NCK2: variants seen among roughly 807,000 people sequenced by gnomAD.
NCK2 encodes cytoplasmic protein NCK2.
Under a neutral mutation model 33.9 loss-of-function variants are expected in NCK2, and 16 were observed. The observed-to-expected ratio is 0.47, with a 90% CI of 0.32 to 0.72. The LOEUF (loss-of-function observed/expected upper bound fraction) is 0.72. Ranked by LOEUF, NCK2 falls within the 30% of genes least tolerant of loss-of-function variation. The probability of loss-of-function intolerance (pLI) is 0.03; values close to 1 mark genes in which losing one functional copy is unlikely to be tolerated. For synonymous variants in NCK2, 273 were observed against 239.9 expected (o/e 1.14, Z -1.27); for missense variants, 418 against 537.3 (o/e 0.78, Z 2.19).
At position 105,870,553 on chromosome 2, in the gene NCK2, C is replaced by T. The variant is rs1475829069; in HGVS notation, c.227-10775C>T. 4.6e-5 allele frequency among the ~76,000 whole-genome samples: 7 copies of T among 152,160 alleles called. No individual in the cohort carries two copies. In the East Asian group the frequency reaches 1.2e-3, roughly 25 times the overall value. Reference sequence around the variant, plus strand: ...GGCAGATCACTTGAGGTCAAGAGCTCGAGACCAGCCTGGCCAACATGGTTA... The same window carrying T: ...GGCAGATCACTTGAGGTCAAGAGCTTGAGACCAGCCTGGCCAACATGGTTA... On this transcript the variant is annotated intron_variant, in intron 3 of 4. Coordinates refer to ENST00000233154, the MANE Select transcript of NCK2 (RefSeq NM_003581.5).
Position 105,779,052 on chromosome 2 carries a change from G to A in NCK2, c.-201+33914G>A, listed in dbSNP as rs374502484. On this transcript the variant is annotated intron_variant, in intron 1 of 4. Transcript: ENST00000233154. The stretch of plus-strand genomic sequence containing the variant: ...CTGGGCACAGTGGCTCACACCTGTA[G>A]TCCCAGCACTTTGGGAGGCTGAGGC... Among the ~76,000 whole-genome samples the A allele has an allele frequency of 1.2e-3, 178 of 152,200 alleles. 1 individual carries two copies. Among genetic ancestry groups the A allele is most frequent in the African/African-American group, 4.2e-3 (173 of 41,526 alleles).
rs144124674 is a variant in NCK2 at position 105,883,664 on chromosome 2, A to G, written c.948+1615A>G. 2.4e-3 allele frequency among the ~76,000 whole-genome samples: 360 copies of G among 152,288 alleles called. 1 individual carries two copies. Among genetic ancestry groups the G allele is most frequent in the African/African-American group, 7.7e-3 (318 of 41,566 alleles). ...CATTGCTGTCTGAATTCAGGGACCAAGTCCCTTTGGATAAGGAGGGATGCA... is the reference window on the plus strand; with the variant it reads ...CATTGCTGTCTGAATTCAGGGACCAGGTCCCTTTGGATAAGGAGGGATGCA... On this transcript the variant is annotated intron_variant, in intron 4 of 4. Coordinates refer to ENST00000233154, the MANE Select transcript of NCK2 (RefSeq NM_003581.5).
chr2:105,813,785 A>G (rs559333590), intron 1 of NCK2, among the ~76,000 whole-genome samples: 1 of 152,376 alleles, frequency 6.6e-6, no homozygotes, highest in East Asian at 1.9e-4. Flanking sequence ...CAGAGAATTC[A>G]GATAATCCCT....
At chr2:105,873,240 T>A (rs1673547406) in intron 3 of NCK2, among the ~76,000 whole-genome samples, 1 of 152,190 alleles carries the variant, frequency 6.6e-6, no homozygotes, top group South Asian at 2.1e-4. Flanking sequence ...CCCACTCTCA[T>A]GAGCCACTCT....
chr2:105,820,167 G>A (rs1396399721), intron 2 of NCK2, among the ~76,000 whole-genome samples: 1 of 152,184 alleles, frequency 6.6e-6, no homozygotes, highest in Non-Finnish European at 1.5e-5. Flanking sequence ...TTGGAACAGG[G>A]CAGGCTGATT....
intron 1 of NCK2, among the ~76,000 whole-genome samples, chr2:105,782,693 C>T (rs1458879439): frequency 3.9e-5 from 6 of 152,164 alleles, no homozygotes; most frequent in East Asian, 1.9e-4. Context: ...GTGGGGGATC[C>T]GGCCCGTTGA....
At chr2:105,863,861 G>A (rs1276308465) in intron 3 of NCK2, among the ~76,000 whole-genome samples, 1 of 152,182 alleles carries the variant, frequency 6.6e-6, no homozygotes, top group South Asian at 2.1e-4. Flanking sequence ...CTGAGCCTCA[G>A]TTGCGTCGTC....
chr2:105,859,160 A>G (rs938277623), intron 3 of NCK2, among the ~76,000 whole-genome samples: 3 of 152,094 alleles, frequency 2.0e-5, no homozygotes, highest in Admixed American at 2.0e-4. Flanking sequence ...CCAGGGAGGT[A>G]TTTTTCAAAG....
intron 3 of NCK2, among the ~76,000 whole-genome samples, chr2:105,856,476 G>T (rs766508291): frequency 2.0e-5 from 3 of 152,158 alleles, no homozygotes; most frequent in Non-Finnish European, 4.4e-5. Flanking sequence ...AAGAGGATTT[G>T]TTTTCTTTTG....
At chr2:105,814,642 C>T (rs1184056518) in intron 1 of NCK2, among the ~76,000 whole-genome samples, 2 of 152,208 alleles carry the variant, frequency 1.3e-5, no homozygotes, top group Non-Finnish European at 2.9e-5. Flanking sequence ...GCAAAGCCCA[C>T]TCATCCGGAG....
At chr2:105,854,905 A>G (rs1033137378) in intron 2 of NCK2, 143 bp from the exon 3 acceptor site, 4 of 607,406 alleles carry the variant, frequency 6.6e-6, no homozygotes, top group Non-Finnish European at 1.2e-5. Context: ...AGGTCATTTT[A>G]AAGTTGAGCA....
At chr2:105,768,605 G>C (rs72825110) in intron 1 of NCK2, among the ~76,000 whole-genome samples, 1 of 152,062 alleles carries the variant, frequency 6.6e-6, no homozygotes, top group Non-Finnish European at 1.5e-5. Context: ...TCCAACCCGC[G>C]GTCCAGGATG....
At chr2:105,854,594 A>T (rs1677186845) in intron 2 of NCK2, 1 of 152,846 alleles carries the variant, frequency 6.5e-6, no homozygotes, top group Admixed American at 6.5e-5. Context: ...CCAATCCAGG[A>T]TACCACCTTG....
chr2:105,802,534 G>A (rs1238926238), intron 1 of NCK2, among the ~76,000 whole-genome samples: 1 of 152,170 alleles, frequency 6.6e-6, no homozygotes, highest in Admixed American at 6.5e-5. Context: ...GAAGGTGAAG[G>A]GGGCCGATGG....
intron 1 of NCK2, among the ~76,000 whole-genome samples, chr2:105,746,612 A>G (rs910446846): frequency 6.6e-6 from 1 of 152,238 alleles, no homozygotes; most frequent in Non-Finnish European, 1.5e-5. Flanking sequence ...TTACGTAAAG[A>G]GAATGGCAGT....
At chr2:105,784,492 CA>C (rs1445201577) in intron 1 of NCK2, among the ~76,000 whole-genome samples, 2 of 152,186 alleles carry the variant, frequency 1.3e-5, no homozygotes, top group African/African-American at 4.8e-5. Flanking sequence ...ATGTTAAATT[CA>C]AGATACATTT....
At chr2:105,798,294 G>T (rs1002416739) in intron 1 of NCK2, among the ~76,000 whole-genome samples, 3 of 152,170 alleles carry the variant, frequency 2.0e-5, no homozygotes, top group Admixed American at 2.0e-4. Context: ...TATCCTGGGA[G>T]CCCGGATAGC....
intron 2 of NCK2, among the ~76,000 whole-genome samples, chr2:105,852,154 T>G (rs1361420015): frequency 1.3e-5 from 2 of 152,108 alleles, no homozygotes; most frequent in East Asian, 3.9e-4. Flanking sequence ...ATCCTGACTG[T>G]CATTAAATAA....
At chr2:105,828,825 A>G (rs2163350) in intron 2 of NCK2, among the ~76,000 whole-genome samples, 129,431 of 152,254 alleles carry the variant, frequency 0.85, 55,076 homozygotes, top group Middle Eastern at 0.88. Context: ...CATCTTTTCA[A>G]CTGTACCCAG....
Sources: allele counts gnomAD v4.1 joint callset (sites outside exome capture counted in the v4.1 genomes callset), GRCh38; gene constraint gnomAD v4.1.1; transcripts MANE v1.5; gene names NCBI Gene and HGNC (gene_info 2026-07-23, HGNC 2026-07-21).